The following NLGN1 variants were observed in gnomAD, a reference collection of about 807,000 sequenced individuals.
The protein encoded by NLGN1 is neuroligin 1.
In NLGN1, 12 loss-of-function variants were observed where a neutral mutation model predicts 65.5. The observed-to-expected ratio is 0.18, with a 90% CI of 0.12 to 0.30. The LOEUF (loss-of-function observed/expected upper bound fraction) is 0.30. Among genes scored for constraint, NLGN1 ranks in the 10% least tolerant of loss-of-function variants. The pLI is 1.00. For synonymous variants in NLGN1, 350 were observed against 359.5 expected (o/e 0.97, Z 0.30); for missense variants, 750 against 1,007.1 (o/e 0.74, Z 3.46).
intron 3 of NLGN1, among the ~76,000 whole-genome samples, chr3:173,643,397 T>G (rs1757711247): frequency 6.6e-6 from 1 of 151,786 alleles, no homozygotes; most frequent in African/African-American, 2.4e-5. Context: ...TGCTTGAAAA[T>G]AATGGTAATA....
intron 1 of NLGN1, among the ~76,000 whole-genome samples, chr3:173,400,149 C>G (rs1223249502): frequency 6.6e-6 from 1 of 152,082 alleles, no homozygotes; most frequent in African/African-American, 2.4e-5. Flanking sequence ...AGTTTGCAGT[C>G]GGTTTCCATC....
intron 1 of NLGN1, among the ~76,000 whole-genome samples, chr3:173,405,268 A>G (rs1395423537): frequency 1.3e-5 from 2 of 152,062 alleles, no homozygotes; most frequent in African/African-American, 2.4e-5. Flanking sequence ...GAATGTGACA[A>G]TGGAATGTTT....
At chr3:173,945,254 C>G (rs1322715760) in intron 4 of NLGN1, among the ~76,000 whole-genome samples, 4 of 151,954 alleles carry the variant, frequency 2.6e-5, no homozygotes, top group Non-Finnish European at 4.4e-5. Context: ...AAACTCTGCT[C>G]TCTGGTGATG....
chr3:173,532,858 A>G (rs1434647283), intron 2 of NLGN1, among the ~76,000 whole-genome samples: 1 of 152,220 alleles, frequency 6.6e-6, no homozygotes, highest in African/African-American at 2.4e-5. Flanking sequence ...GTTGGCTGAA[A>G]GTTCTGCTCG....
chr3:173,849,245 T>C (rs1726421000), intron 4 of NLGN1, among the ~76,000 whole-genome samples: 1 of 152,122 alleles, frequency 6.6e-6, no homozygotes. Context: ...TTACTCCATA[T>C]AGTAGTAGTA....
At chr3:173,951,623 C>A (rs2152329654) in intron 4 of NLGN1, among the ~76,000 whole-genome samples, 1 of 151,848 alleles carries the variant, frequency 6.6e-6, no homozygotes, top group African/African-American at 2.4e-5. Flanking sequence ...TCACCATGCC[C>A]AGCTAATTTT....
chr3:173,533,703 G>T (rs1329062174), intron 2 of NLGN1, among the ~76,000 whole-genome samples: 1 of 152,126 alleles, frequency 6.6e-6, no homozygotes, highest in Non-Finnish European at 1.5e-5. Flanking sequence ...AGGTCTTGGG[G>T]CCGGGCTCGG....
At chr3:173,554,330 A>T (rs577224776) in intron 2 of NLGN1, among the ~76,000 whole-genome samples, 1 of 152,322 alleles carries the variant, frequency 6.6e-6, no homozygotes, top group East Asian at 1.9e-4. Flanking sequence ...GTGAAGGTTA[A>T]GTTACTATCA....
chr3:174,134,896 A>T (rs1451093484), intron 4 of NLGN1, among the ~76,000 whole-genome samples: 1 of 152,194 alleles, frequency 6.6e-6, no homozygotes, highest in Admixed American at 6.5e-5. Flanking sequence ...TATGCAAGAA[A>T]GATTAAGGCT....
intron 4 of NLGN1, among the ~76,000 whole-genome samples, chr3:174,131,466 G>A (rs1200988272): frequency 1.3e-5 from 2 of 152,026 alleles, no homozygotes; most frequent in Non-Finnish European, 1.5e-5. Context: ...TCACATGGTG[G>A]CCACAAAGTT....
At chr3:174,054,493 C>A (rs925960701) in intron 4 of NLGN1, among the ~76,000 whole-genome samples, 1 of 151,840 alleles carries the variant, frequency 6.6e-6, no homozygotes, top group African/African-American at 2.4e-5. Context: ...TTATCTGATC[C>A]TCTCTTTATT....
chr3:174,250,537 G>T (rs1184310515), intron 4 of NLGN1, among the ~76,000 whole-genome samples: 1 of 152,158 alleles, frequency 6.6e-6, no homozygotes, highest in Non-Finnish European at 1.5e-5. Flanking sequence ...AACACAACTA[G>T]AAGGACGTTG....
rs147904555 is a variant in NLGN1 at position 173,460,641 on chromosome 3, T to C, written c.-321+25563T>C. ...AAGCTGCAACTAATTGTTTGGATTCTTTGCAGTTATATTGTTGGCCAAAAG... is the reference window on the plus strand; with the variant it reads ...AAGCTGCAACTAATTGTTTGGATTCCTTGCAGTTATATTGTTGGCCAAAAG... On this transcript the variant is annotated intron_variant, in intron 2 of 6. Transcript: ENST00000457714. Among the ~76,000 whole-genome samples, 750 of 152,268 alleles carry C rather than the reference T, an allele frequency of 4.9e-3. 6 individuals carry two copies. Among genetic ancestry groups the C allele is most frequent in the Non-Finnish European group, 7.1e-3 (484 of 68,004 alleles).
At chr3:173,572,566 C>T (rs1744820651) in intron 2 of NLGN1, among the ~76,000 whole-genome samples, 1 of 152,194 alleles carries the variant, frequency 6.6e-6, no homozygotes, top group South Asian at 2.1e-4. Flanking sequence ...ATCTATTTCC[C>T]TGACCTTAGT....
At chr3:173,883,608 TGC>T (rs1460696119) in intron 4 of NLGN1, among the ~76,000 whole-genome samples, 1 of 152,102 alleles carries the variant, frequency 6.6e-6, no homozygotes, top group African/African-American at 2.4e-5. Context: ...ATCTACAAAG[TGC>T]AATAGTGTGC....
chr3:173,892,352 T>A (rs1313621962), intron 4 of NLGN1, among the ~76,000 whole-genome samples: 1 of 152,184 alleles, frequency 6.6e-6, no homozygotes, highest in East Asian at 1.9e-4. Context: ...TCAGATATGT[T>A]GTGACCTTCG....
At chr3:173,543,671 A>G (rs754863373) in intron 2 of NLGN1, among the ~76,000 whole-genome samples, 1 of 152,182 alleles carries the variant, frequency 6.6e-6, no homozygotes, top group Non-Finnish European at 1.5e-5. Context: ...ATTTTTAAAA[A>G]TAAAACTTCT....
intron 2 of NLGN1, among the ~76,000 whole-genome samples, chr3:173,493,352 G>A (rs1729491615): frequency 2.0e-5 from 3 of 151,706 alleles, no homozygotes; most frequent in Non-Finnish European, 4.4e-5. Context: ...GGTCCAAAGA[G>A]TAGAAAATGG....
At chr3:173,508,265 A>G (rs1732360042) in intron 2 of NLGN1, among the ~76,000 whole-genome samples, 1 of 152,188 alleles carries the variant, frequency 6.6e-6, no homozygotes. Context: ...CCAGGGTTAC[A>G]AAGGTATTAC....
Sources: gnomAD v4.1 joint callset for allele counts (sites outside exome capture counted in the v4.1 genomes callset) on GRCh38, gnomAD v4.1.1 for gene constraint, MANE v1.5 for transcripts, NCBI Gene and HGNC (gene_info 2026-07-23, HGNC 2026-07-21) for gene names.